The following PIBF1 variants were observed in gnomAD, a reference collection of about 807,000 sequenced individuals.
The protein encoded by PIBF1 is progesterone immunomodulatory binding factor 1, also known as progesterone-induced-blocking factor 1.
A neutral mutation model predicts 112.5 loss-of-function variants in PIBF1; 90 were observed. The ratio of observed to expected loss-of-function variants is 0.80; its 90% confidence interval spans 0.67 to 0.95. The LOEUF is 0.95. Ranked by LOEUF, PIBF1 falls within the 40% of genes least tolerant of loss-of-function variation. The pLI is 0.00. For synonymous variants in PIBF1, 301 were observed against 288.6 expected, an observed-to-expected ratio of 1.04 and a Z score of -0.44; for missense variants, 915 against 852.3, an observed-to-expected ratio of 1.07 and a Z score of -0.92.
chr13:72,930,540 A>G (rs2138762386), intron 13 of PIBF1, among the ~76,000 whole-genome samples: 1 of 152,306 alleles, frequency 6.6e-6, no homozygotes, highest in South Asian at 2.1e-4. Flanking sequence ...GATGTTTCAT[A>G]TGTAATTTTA....
At chr13:72,937,708 G>A (rs1203485319) in intron 14 of PIBF1, among the ~76,000 whole-genome samples, 5 of 152,058 alleles carry the variant, frequency 3.3e-5, no homozygotes, top group Admixed American at 6.6e-5. Context: ...CCAGCTACTC[G>A]GGAGGCTGAG....
At chr13:72,963,536 G>A (rs1441185769) in intron 14 of PIBF1, among the ~76,000 whole-genome samples, 1 of 152,180 alleles carries the variant, frequency 6.6e-6, no homozygotes, top group Non-Finnish European at 1.5e-5. Context: ...GGAGGTTGCA[G>A]TGAGCTGAGA....
At chr13:72,931,738 A>G (rs2041707450) in intron 14 of PIBF1, among the ~76,000 whole-genome samples, 1 of 142,500 alleles carries the variant, frequency 7.0e-6, no homozygotes, top group Non-Finnish European at 1.5e-5. Flanking sequence ...ATATATATAT[A>G]TATATGTATG....
chr13:72,836,500 A>G (rs1044826202), intron 9 of PIBF1, among the ~76,000 whole-genome samples: 1 of 152,154 alleles, frequency 6.6e-6, no homozygotes, highest in Admixed American at 6.5e-5. Context: ...TTGCTTATTT[A>G]TAAGTTGCTG....
chr13:72,844,573 T>A (rs1566347863), intron 9 of PIBF1, among the ~76,000 whole-genome samples: 1 of 151,982 alleles, frequency 6.6e-6, no homozygotes, highest in Non-Finnish European at 1.5e-5. Flanking sequence ...CACTTATGAG[T>A]GAGAACATTC....
intron 16 of PIBF1, among the ~76,000 whole-genome samples, chr13:72,995,346 C>G (rs1424704348): frequency 6.6e-6 from 1 of 151,664 alleles, no homozygotes; most frequent in Non-Finnish European, 1.5e-5. Context: ...TTCCCTTCAG[C>G]ATGATCCCAC....
At chr13:72,943,718 C>G (rs1335372226) in intron 14 of PIBF1, among the ~76,000 whole-genome samples, 8 of 152,198 alleles carry the variant, frequency 5.3e-5, no homozygotes, top group African/African-American at 1.4e-4. Flanking sequence ...ACTCCTCAGT[C>G]TCCTTTGTTG....
At chr13:72,990,951 TTA>T (rs1474838656) in intron 16 of PIBF1, among the ~76,000 whole-genome samples, 3 of 152,168 alleles carry the variant, frequency 2.0e-5, no homozygotes, top group Non-Finnish European at 4.4e-5. Context: ...ATGCACAGAG[TTA>T]TATGACTTAC....
intron 16 of PIBF1, 33 bp downstream of exon 16, chr13:72,973,708 T>C (rs757759094): frequency 6.6e-6 from 8 of 1,213,748 alleles, no homozygotes; most frequent in Non-Finnish European, 9.5e-6. Context: ...ATTGTAATCA[T>C]TTTAGGCTTT....
chr13:72,813,295 T>C (rs1566303092), intron 5 of PIBF1, among the ~76,000 whole-genome samples: 1 of 152,208 alleles, frequency 6.6e-6, no homozygotes, highest in African/African-American at 2.4e-5. Flanking sequence ...ATGTCATTTT[T>C]CCTTTCTTTT....
rs770024935 is a variant in PIBF1, at chr13:72,908,685, A to G, written c.1639+4A>G. Reference sequence around the variant, plus strand: ...ATAATAATGCAAACTGCAGAAAGTAAGTCTTCCCCCACACACACATGCACA... The same window carrying G: ...ATAATAATGCAAACTGCAGAAAGTAGGTCTTCCCCCACACACACATGCACA... On this transcript the variant is annotated splice_donor_region_variant and intron_variant, in intron 12 of 17. Coordinates refer to ENST00000326291, the MANE Select transcript of PIBF1 (RefSeq NM_006346.4). The G allele has an allele frequency of 6.2e-7, 1 of 1,609,182 alleles. No homozygotes were observed. Among genetic ancestry groups the G allele is most frequent in the East Asian group, 2.2e-5 (1 of 44,792 alleles).
At chr13:72,819,127 G>T (rs1369249179) in intron 5 of PIBF1, among the ~76,000 whole-genome samples, 1 of 152,090 alleles carries the variant, frequency 6.6e-6, no homozygotes, top group East Asian at 1.9e-4. Context: ...CAAGGGATGG[G>T]AAAATCATAT....
intron 10 of PIBF1, among the ~76,000 whole-genome samples, chr13:72,881,593 G>A (rs1396149985): frequency 1.3e-5 from 2 of 151,842 alleles, no homozygotes; most frequent in African/African-American, 4.8e-5. Flanking sequence ...GTGTGCACCT[G>A]TAATCCTAGC....
chr13:72,891,693 A>G (rs1353674897), intron 10 of PIBF1, among the ~76,000 whole-genome samples: 2 of 152,072 alleles, frequency 1.3e-5, no homozygotes, highest in African/African-American at 2.4e-5. Context: ...TGACATAGCA[A>G]TTGTGTTCCT....
chr13:72,827,748 C>A lies in PIBF1; in HGVS notation c.931C>A (p.Gln311Lys). ...ELSKEVVTLEQTVTLLQKDKE... is the reference protein window; with the variant it reads ...ELSKEVVTLEKTVTLLQKDKE... Reference sequence around the variant, plus strand: ...ATGTATGTAGGTAGTCACCTTAGAGCAAACTGTTACTTTACTGCAAAAGGA... The same window carrying A: ...ATGTATGTAGGTAGTCACCTTAGAGAAAACTGTTACTTTACTGCAAAAGGA... Residue 311 changes from glutamine to lysine, a missense_variant, in exon 8 of 18, where the codon CAA (glutamine) becomes AAA (lysine). Physicochemically the swap from Gln to Lys is moderately conservative, Grantham distance 53 (BLOSUM62 1). Coordinates refer to ENST00000326291, the MANE Select transcript of PIBF1 (RefSeq NM_006346.4). 6.3e-7 allele frequency: 1 copy of A among 1,583,554 alleles called. No homozygotes were observed. Among genetic ancestry groups the A allele is most frequent in the South Asian group, 1.2e-5 (1 of 84,102 alleles).
At chr13:72,879,932 G>A (rs1249725278) in intron 10 of PIBF1, among the ~76,000 whole-genome samples, 2 of 152,136 alleles carry the variant, frequency 1.3e-5, no homozygotes, top group African/African-American at 4.8e-5. Context: ...TGCTACAACC[G>A]CACATTTGAG....
intron 14 of PIBF1, among the ~76,000 whole-genome samples, chr13:72,931,601 G>A (rs2041698171): frequency 6.6e-6 from 1 of 151,102 alleles, no homozygotes; most frequent in Non-Finnish European, 1.5e-5. Flanking sequence ...AGATAGATTT[G>A]GTTTTTACCT....
At chr13:72,844,760 C>CGG (rs1345644818) in intron 9 of PIBF1, among the ~76,000 whole-genome samples, 1 of 129,572 alleles carries the variant, frequency 7.7e-6, no homozygotes, top group African/African-American at 3.1e-5. Flanking sequence ...CACACACACA[C>CGG]ACACACACAC....
At chr13:72,930,154 C>T (rs2041656326) in intron 13 of PIBF1, among the ~76,000 whole-genome samples, 1 of 152,180 alleles carries the variant, frequency 6.6e-6, no homozygotes, top group South Asian at 2.1e-4. Context: ...GCCACCGCGC[C>T]TGGCCTTAAC....
Sources: gnomAD v4.1 joint callset for allele counts (sites outside exome capture counted in the v4.1 genomes callset) on GRCh38, gnomAD v4.1.1 for gene constraint, MANE v1.5 for transcripts, NCBI Gene and HGNC (gene_info 2026-07-23, HGNC 2026-07-21) for gene names.